The following ABCA13 variants were observed in gnomAD, a reference collection of about 807,000 sequenced individuals.
ABCA13 encodes ATP binding cassette subfamily A member 13.
A neutral mutation model predicts 478.7 loss-of-function variants in ABCA13; 476 were observed. That is an observed-to-expected ratio of 0.99 (90% CI 0.92 to 1.07). ABCA13 has a LOEUF of 1.07. Among genes scored for constraint, ABCA13 ranks in the 50% least tolerant of loss-of-function variants. The pLI is 0.00. For missense variants in ABCA13, 6,060 were observed against 5,910.6 expected, an observed-to-expected ratio of 1.03 and a Z score of -0.83; for synonymous variants, 2,252 against 2,158.9, an observed-to-expected ratio of 1.04 and a Z score of -1.20.
At chr7:48,469,329 T>C (rs1440407714) in intron 44 of ABCA13, among the ~76,000 whole-genome samples, 1 of 152,154 alleles carries the variant, frequency 6.6e-6, no homozygotes. Context: ...CTTAGGGGCC[T>C]GTAAAGAGGA....
intron 56 of ABCA13, among the ~76,000 whole-genome samples, chr7:48,585,195 T>C (rs545449941): frequency 2.6e-5 from 4 of 152,232 alleles, no homozygotes; most frequent in Non-Finnish European, 5.9e-5. Flanking sequence ...TTGTGATGAA[T>C]AAAACGTTTT....
At chr7:48,304,043 A>G (rs55991773) in intron 23 of ABCA13, among the ~76,000 whole-genome samples, 7,580 of 152,254 alleles carry the variant, frequency 0.05, 241 homozygotes, top group Middle Eastern at 0.13. Flanking sequence ...TCATGACTGT[A>G]TCGACATGGT....
intron 30 of ABCA13, 25 bp downstream of exon 30, chr7:48,350,844 T>A (rs756020140): frequency 2.5e-6 from 4 of 1,599,046 alleles, no homozygotes; most frequent in East Asian, 2.2e-5. Flanking sequence ...AAAAAATATG[T>A]TCGCCAAGAT....
chr7:48,523,096 C>A (rs557828967), intron 53 of ABCA13, among the ~76,000 whole-genome samples: 1 of 152,276 alleles, frequency 6.6e-6, no homozygotes, highest in South Asian at 2.1e-4. Flanking sequence ...CTTCAGATGG[C>A]CTCTCATAAA....
At chr7:48,539,114 C>T (rs1833793207) in intron 55 of ABCA13, among the ~76,000 whole-genome samples, 1 of 152,132 alleles carries the variant, frequency 6.6e-6, no homozygotes, top group Admixed American at 6.6e-5. Flanking sequence ...GGTGAGGTGG[C>T]TCATGCCTGT....
At chr7:48,189,665 A>G (rs1373025902) in intron 1 of ABCA13, among the ~76,000 whole-genome samples, 1 of 152,202 alleles carries the variant, frequency 6.6e-6, no homozygotes, top group East Asian at 1.9e-4. Context: ...GACTGGACTG[A>G]AAAATATTTG....
chr7:48,551,750 G>T (rs1785343313), intron 55 of ABCA13, among the ~76,000 whole-genome samples: 1 of 151,456 alleles, frequency 6.6e-6, no homozygotes, highest in Admixed American at 6.6e-5. Flanking sequence ...TTGTAACAAA[G>T]GATGACTGCA....
chr7:48,360,707 A>G (rs974763397), intron 31 of ABCA13, among the ~76,000 whole-genome samples: 1 of 152,026 alleles, frequency 6.6e-6, no homozygotes, highest in Non-Finnish European at 1.5e-5. Flanking sequence ...TACAAACTAG[A>G]AATCGCAAAG....
At chr7:48,515,187 C>G (rs1056025162) in intron 51 of ABCA13, among the ~76,000 whole-genome samples, 1 of 152,122 alleles carries the variant, frequency 6.6e-6, no homozygotes, top group Non-Finnish European at 1.5e-5. Context: ...CAGGTTAATC[C>G]AATTATTCAC....
intron 20 of ABCA13, among the ~76,000 whole-genome samples, chr7:48,293,964 G>C (rs929493443): frequency 3.3e-5 from 5 of 152,130 alleles, no homozygotes; most frequent in African/African-American, 1.2e-4. Flanking sequence ...CTGACCTTCA[G>C]AGCACGGCAA....
At chr7:48,185,837 A>G (rs573069911) in intron 1 of ABCA13, among the ~76,000 whole-genome samples, 19 of 152,044 alleles carry the variant, frequency 1.2e-4, no homozygotes, top group Non-Finnish European at 2.5e-4. Flanking sequence ...TTGTAATATA[A>G]TGTAATTGTT....
chr7:48,272,858 C>T lies in ABCA13; in HGVS notation c.3192C>T (p.Gly1064=). The change falls in exon 17 of 62, where the codon GGC becomes GGT. Residue 1064 remains glycine (G), a synonymous_variant. Transcript: ENST00000435803. Reference sequence around the variant, plus strand: ...AAGTGATCCACACTACTTTGACAGGCCTCAAACAGCTGCTCATAATTGATG... The same window carrying T: ...AAGTGATCCACACTACTTTGACAGGTCTCAAACAGCTGCTCATAATTGATG... ...ELEVIHTTLT[G]LKQLLIIDED... is the part of the protein sequence containing the mutation. The T allele has an allele frequency of 6.2e-7, 1 of 1,607,358 alleles. No homozygotes were observed. Among genetic ancestry groups the T allele is most frequent in the Non-Finnish European group, 8.5e-7 (1 of 1,176,024 alleles).
chr7:48,308,548 A>G (rs1353497182), intron 23 of ABCA13, among the ~76,000 whole-genome samples: 1 of 152,150 alleles, frequency 6.6e-6, no homozygotes, highest in Non-Finnish European at 1.5e-5. Flanking sequence ...CACTTGAATA[A>G]TACGCCAGGC....
intron 1 of ABCA13, among the ~76,000 whole-genome samples, chr7:48,183,020 A>G (rs1376382615): frequency 1.3e-5 from 2 of 152,230 alleles, no homozygotes; most frequent in East Asian, 3.8e-4. Context: ...GAGACACAAT[A>G]GAATTTCATG....
At chr7:48,205,457 T>C (rs1784805498) in intron 3 of ABCA13, among the ~76,000 whole-genome samples, 1 of 152,230 alleles carries the variant, frequency 6.6e-6, no homozygotes, top group South Asian at 2.1e-4. Context: ...CTCCAACTTG[T>C]TATAGCCCCA....
intron 38 of ABCA13, among the ~76,000 whole-genome samples, chr7:48,400,839 T>C (rs1817504625): frequency 6.6e-6 from 1 of 152,264 alleles, no homozygotes; most frequent in South Asian, 2.1e-4. Flanking sequence ...TTTACTTCCA[T>C]TGACCTTAGT....
chr7:48,276,108 C>A lies in ABCA13; in HGVS notation c.6442C>A (p.Pro2148Thr). The A allele has an allele frequency of 6.3e-7, 1 of 1,598,800 alleles. No homozygotes were observed. Among genetic ancestry groups the A allele is most frequent in the Admixed American group, 1.7e-5 (1 of 58,282 alleles). The change falls in exon 17 of 62, where the codon CCT becomes ACT. Residue 2148 changes from proline to threonine, a missense_variant. By Grantham distance (38) the Pro-to-Thr change is conservative. Transcript: ENST00000435803. ...CAGAATGATAGAAACATTATTCATT[C>A]CTGTGACCAATGAGAGTTCAACTGA... Reference protein sequence around the residue: ...YSRMIETLFIPVTNESSTEDI... With the variant: ...YSRMIETLFITVTNESSTEDI...
At position 48,335,432 on chromosome 7, in the gene ABCA13, C is replaced by T. The variant is rs752651141; in HGVS notation, c.10010C>T (p.Thr3337Ile). The T allele has an allele frequency of 6.2e-7, 1 of 1,606,586 alleles. No individual in the cohort carries two copies. The highest frequency in any genetic ancestry group is 1.7e-5 in the Admixed American group (1 of 59,404). ...TGCTTCATTTTGCAGGCTAATTACA[C>T]CTTTTATATTGTGGACAAACTAAAA... Reference protein sequence around the residue: ...INKVIQKANYTFYIVDKLKTL... With the variant: ...INKVIQKANYIFYIVDKLKTL... The change falls in exon 28 of 62, where the codon ACC becomes ATC. Residue 3337 changes from threonine to isoleucine, a missense_variant. By Grantham distance (89) the Thr-to-Ile change is moderately conservative (BLOSUM62 -1). This residue lies in a region of ABCA13 where 4,423 missense variants were observed against 4,309.1 expected (regional missense o/e 1.03). Coordinates refer to ENST00000435803, the MANE Select transcript of ABCA13 (RefSeq NM_152701.5).
In ABCA13 at chr7:48,387,742, A is replaced by T. The variant is rs1171082896; in HGVS notation, c.11336-80A>T. ...ATATTAACATGGGATGACATTTTAT[A>T]TTAATTACTTAAGATATTCTAATAC... On this transcript the variant is annotated intron_variant, in intron 35 of 61. Transcript: ENST00000435803. 3.6e-6 allele frequency: 4 copies of T among 1,123,740 alleles called. No homozygotes were observed. In the African/African-American group the frequency reaches 6.3e-5, roughly 18 times the overall value. 69.6% of individuals were successfully genotyped at this position (1,123,740 alleles called of 1,614,324 possible). A position where few individuals can be genotyped will look rare whatever the true frequency, so the allele number is the denominator to read the frequency against.
Sources: allele counts gnomAD v4.1 joint callset (sites outside exome capture counted in the v4.1 genomes callset), GRCh38; gene constraint gnomAD v4.1.1; regional missense constraint gnomAD v4.1.1; transcripts MANE v1.5; gene names NCBI Gene and HGNC (gene_info 2026-07-23, HGNC 2026-07-21).